SCOC: variants seen among roughly 807,000 people sequenced by gnomAD.
SCOC encodes the protein short coiled coil protein.
SCOC carries 7 observed loss-of-function variants against 9.9 expected under a neutral mutation model. That is an observed-to-expected ratio of 0.71 (90% confidence interval 0.40 to 1.33). SCOC has a LOEUF of 1.33. Among genes scored for constraint, SCOC ranks in the 40% most tolerant of loss-of-function variants. SCOC has a pLI of 0.01. For synonymous variants in SCOC, 19 were observed against 28.2 expected, an observed-to-expected ratio of 0.67 and a Z score of 1.03; for missense variants, 66 against 89.7, an observed-to-expected ratio of 0.74 and a Z score of 1.07.
At position 140,381,353 on chromosome 4, in the gene SCOC, A is replaced by AGATGAATGT. The variant is rs1173489160; in HGVS notation, c.*250_*258dup. The AGATGAATGT allele has an allele frequency of 3.4e-6, 1 of 294,840 alleles. No individual in the cohort carries two copies. Among genetic ancestry groups the AGATGAATGT allele is most frequent in the Non-Finnish European group, 6.3e-6 (1 of 158,248 alleles). The allele number at this position is 294,840 out of a possible 1,614,324, so 18.3% of individuals were successfully genotyped here. Reference sequence around the variant, plus strand: ...AATTGCATATATTTATGAAACTTAAAGATGAATGTTTTATTGAATTTGTAG... The same window carrying AGATGAATGT: ...AATTGCATATATTTATGAAACTTAAAGATGAATGTGATGAATGTTTTATTGAATTTGTAG... On this transcript the variant is annotated 3_prime_UTR_variant, in exon 4 of 4. Coordinates refer to ENST00000608372, the MANE Select transcript of SCOC (RefSeq NM_001153484.2).
At chr4:140,346,866 T>C (rs918324525) in intron 2 of SCOC, among the ~76,000 whole-genome samples, 3 of 152,190 alleles carry the variant, frequency 2.0e-5, no homozygotes, top group African/African-American at 7.2e-5. Context: ...TATGAGGGCA[T>C]CTCAACCTCT....
At chr4:140,374,379 C>G in intron 1 of SCOC, 1 of 316,444 alleles carries the variant, frequency 3.2e-6, no homozygotes, top group Non-Finnish European at 6.2e-6. Flanking sequence ...GGACAGATGC[C>G]ATTCCAGGTT....
At chr4:140,329,849 G>A (rs567631203) in intron 1 of SCOC, among the ~76,000 whole-genome samples, 1 of 152,126 alleles carries the variant, frequency 6.6e-6, no homozygotes, top group East Asian at 1.9e-4. Context: ...ACACTGCTGG[G>A]AACTGGGAAT....
At chr4:140,327,961 G>C (rs1732698447) in intron 1 of SCOC, among the ~76,000 whole-genome samples, 1 of 152,152 alleles carries the variant, frequency 6.6e-6, no homozygotes, top group East Asian at 1.9e-4. Context: ...CCTGCCAGCA[G>C]GTGCCTCCAA....
upstream of SCOC, among the ~76,000 whole-genome samples, chr4:140,340,808 T>TTTTTTTGTC (rs140552446): frequency 8.9e-6 from 1 of 111,814 alleles, no homozygotes; most frequent in Non-Finnish European, 1.8e-5. Context: ...TTTTTTTTTT[T>TTTTTTTGTC]AGAGGGATAG....
At chr4:140,362,722 T>G (rs577070876) in intron 2 of SCOC, 1 of 152,322 alleles carries the variant, frequency 6.6e-6, no homozygotes, top group South Asian at 2.1e-4. Context: ...CTACTGATGC[T>G]TCTTTAATCT....
chr4:140,307,805 A>G (rs1159651654), intron 1 of SCOC, among the ~76,000 whole-genome samples: 3 of 152,226 alleles, frequency 2.0e-5, no homozygotes, highest in Non-Finnish European at 4.4e-5. Context: ...ATGCCTTTAC[A>G]TTAAATATTT....
At chr4:140,374,042 C>G (rs746341735) in intron 1 of SCOC, 6 of 533,294 alleles carry the variant, frequency 1.1e-5, no homozygotes, top group South Asian at 9.2e-5. Flanking sequence ...CAGCTCTCGG[C>G]TCTGGAATTG....
At chr4:140,312,016 G>A (rs139174524) in intron 1 of SCOC, among the ~76,000 whole-genome samples, 15 of 152,288 alleles carry the variant, frequency 9.8e-5, no homozygotes, top group East Asian at 7.7e-4. Flanking sequence ...CACTTTTAGC[G>A]AGAAATAGTT....
At chr4:140,322,219 T>G (rs1485779191) in intron 1 of SCOC, among the ~76,000 whole-genome samples, 1 of 152,154 alleles carries the variant, frequency 6.6e-6, no homozygotes. Flanking sequence ...CCTACAAATG[T>G]GGAAGCAACT....
upstream of SCOC, among the ~76,000 whole-genome samples, chr4:140,340,986 C>G (rs1337664653): frequency 2.6e-5 from 4 of 151,116 alleles, no homozygotes; most frequent in Non-Finnish European, 5.9e-5. Context: ...TTAGTAGAGA[C>G]AGGGTTTCAC....
chr4:140,366,783 T>G, intron 2 of SCOC: 5 of 1,354,396 alleles, frequency 3.7e-6, no homozygotes, highest in Non-Finnish European at 5.3e-6. Context: ...CATCTACAGT[T>G]GCAACCAATT....
intron 1 of SCOC, among the ~76,000 whole-genome samples, chr4:140,303,601 A>G (rs1731875890): frequency 6.6e-6 from 1 of 152,196 alleles, no homozygotes; most frequent in Non-Finnish European, 1.5e-5. Flanking sequence ...ATCAGCCTAG[A>G]AAAGCCCAGG....
At chr4:140,304,436 C>T (rs981696782) in intron 1 of SCOC, among the ~76,000 whole-genome samples, 1 of 151,900 alleles carries the variant, frequency 6.6e-6, no homozygotes, top group Non-Finnish European at 1.5e-5. Context: ...CAAAACAAAC[C>T]ACAAAAATAA....
rs141135672 is a variant in SCOC, at chr4:140,381,369, G to A, written c.*265G>A. ...GAAACTTAAAGATGAATGTTTTATT[G>A]AATTTGTAGGTTTAGCACTGTCTTT... On this transcript the variant is annotated 3_prime_UTR_variant, in exon 4 of 4. Coordinates refer to ENST00000608372, the MANE Select transcript of SCOC (RefSeq NM_001153484.2). The A allele has an allele frequency of 2.5e-4, 66 of 267,008 alleles. No individual in the cohort carries two copies. Among genetic ancestry groups the A allele is most frequent in the African/African-American group, 1.4e-3 (61 of 43,942 alleles). 16.5% of individuals were successfully genotyped at this position (267,008 alleles called of 1,614,324 possible).
At chr4:140,311,590 G>A (rs751811827) in intron 1 of SCOC, among the ~76,000 whole-genome samples, 1 of 152,130 alleles carries the variant, frequency 6.6e-6, no homozygotes, top group Non-Finnish European at 1.5e-5. Context: ...GGCAGACCAG[G>A]AACATGCCCT....
intron 1 of SCOC, among the ~76,000 whole-genome samples, chr4:140,320,724 T>A (rs1732476868): frequency 6.6e-6 from 1 of 152,146 alleles, no homozygotes; most frequent in South Asian, 2.1e-4. Flanking sequence ...CCCTTCATCT[T>A]CCCTACCCAA....
chr4:140,367,441 G>A (rs1446535384), intron 2 of SCOC, among the ~76,000 whole-genome samples: 7 of 151,666 alleles, frequency 4.6e-5, no homozygotes, highest in East Asian at 3.9e-4. Flanking sequence ...GTGCAGTGGC[G>A]TGATCTTAGC....
At position 140,385,202 on chromosome 4, in the gene SCOC, C is replaced by T. The variant is rs1019658535; in HGVS notation, c.*4098C>T. Reference sequence around the variant, plus strand: ...GGACTCACAGCAGGTTACTACACATCACAGATCCTCGTCTGAAACTTGTAG... The same window carrying T: ...GGACTCACAGCAGGTTACTACACATTACAGATCCTCGTCTGAAACTTGTAG... On this transcript the variant is annotated 3_prime_UTR_variant, in exon 4 of 4. Transcript: ENST00000608372. 6.6e-6 allele frequency: 1 copy of T among 152,208 alleles called. No individual in the cohort carries two copies. Among genetic ancestry groups the T allele is most frequent in the African/African-American group, 2.4e-5 (1 of 41,450 alleles). The allele number at this position is 152,208 out of a possible 1,614,324, so 9.4% of individuals were successfully genotyped here.
Sources: gnomAD v4.1 joint callset for allele counts (sites outside exome capture counted in the v4.1 genomes callset) on GRCh38, gnomAD v4.1.1 for gene constraint, MANE v1.5 for transcripts, NCBI Gene and HGNC (gene_info 2026-07-23, HGNC 2026-07-21) for gene names.